Variants in RNF149 observed in about 807,000 individuals in gnomAD.
RNF149 encodes E3 ubiquitin-protein ligase RNF149.
In RNF149, 21 loss-of-function variants were observed where a neutral mutation model predicts 39.0. That is an observed-to-expected ratio of 0.54 (90% confidence interval 0.38 to 0.77). RNF149 has a LOEUF of 0.77. Among genes scored for constraint, RNF149 ranks in the 30% least tolerant of loss-of-function variants. The pLI is 0.00. For missense variants in RNF149, 493 were observed against 534.9 expected (o/e 0.92, Z 0.77); for synonymous variants, 209 against 213.6 (o/e 0.98, Z 0.19).
chr2:101,299,282 T>C (rs1192762878), intron 1 of RNF149, among the ~76,000 whole-genome samples: 1 of 152,218 alleles, frequency 6.6e-6, no homozygotes, highest in Non-Finnish European at 1.5e-5. Flanking sequence ...ACTGTGGATC[T>C]CAAGCTTTGG....
At chr2:101,282,593 C>G (rs1682633836) in intron 5 of RNF149, among the ~76,000 whole-genome samples, 1 of 152,142 alleles carries the variant, frequency 6.6e-6, no homozygotes, top group African/African-American at 2.4e-5. Context: ...GAAAGGAAGA[C>G]AGTGAAAGTG....
At position 101,302,888 on chromosome 2, in the gene RNF149, G is replaced by A. The variant is rs1573263537; in HGVS notation, c.460+5241C>T. The stretch of plus-strand genomic sequence containing the variant: ...CCAGCTACGCAGAAGGCTAAGGTTG[G>A]AGGATTGCTTGATCCCTAAAGGGCA... On this transcript the variant is annotated intron_variant, in intron 1 of 6. Coordinates refer to ENST00000295317, the MANE Select transcript of RNF149 (RefSeq NM_173647.4). Among the ~76,000 whole-genome samples, 3 of 152,064 alleles carry A rather than the reference G, an allele frequency of 2.0e-5. No individual in the cohort carries two copies. In the East Asian group the frequency reaches 5.8e-4, roughly 29 times the overall value.
rs534543792 is a variant in RNF149 at position 101,291,231 on chromosome 2, A to T, written c.781-2176T>A. ...AGTGGCGCGATCTTGGCTCACTGCAACCTCCACCTCCTGGGTTCAAGTGAA... is the reference window on the plus strand; with the variant it reads ...AGTGGCGCGATCTTGGCTCACTGCATCCTCCACCTCCTGGGTTCAAGTGAA... On this transcript the variant is annotated intron_variant, in intron 3 of 6. Coordinates refer to ENST00000295317, the MANE Select transcript of RNF149 (RefSeq NM_173647.4). 5.3e-5 allele frequency among the ~76,000 whole-genome samples: 8 copies of T among 151,992 alleles called. No individual in the cohort carries two copies. The South Asian group carries it at 1.7e-3, about 32-fold the overall frequency.
intron 4 of RNF149, among the ~76,000 whole-genome samples, chr2:101,288,501 G>A (rs1017123512): frequency 1.3e-5 from 2 of 152,096 alleles, no homozygotes; most frequent in Admixed American, 1.3e-4. Flanking sequence ...TTACAGGTGT[G>A]AGCCACAGTG....
At chr2:101,288,446 C>A (rs540648350) in intron 4 of RNF149, among the ~76,000 whole-genome samples, 90 of 152,054 alleles carry the variant, frequency 5.9e-4, no homozygotes, top group Admixed American at 2.1e-3. Flanking sequence ...CCATGTTGAC[C>A]AGGCTAGTCT....
downstream of RNF149, among the ~76,000 whole-genome samples, chr2:101,274,113 A>T (rs1682244195): frequency 6.6e-6 from 1 of 150,608 alleles, no homozygotes; most frequent in Admixed American, 6.6e-5. Flanking sequence ...AGCAATGGTG[A>T]TCTTCTTGCT....
At chr2:101,287,361 T>C (rs1304438602) in intron 4 of RNF149, among the ~76,000 whole-genome samples, 5 of 152,180 alleles carry the variant, frequency 3.3e-5, no homozygotes, top group Non-Finnish European at 7.3e-5. Flanking sequence ...AAATAATTTT[T>C]ACAAAAACAT....
At chr2:101,288,761 C>G (rs538082487) in intron 4 of RNF149, 1 of 452,082 alleles carries the variant, frequency 2.2e-6, no homozygotes, top group Admixed American at 4.2e-5. Flanking sequence ...AGATACTTAA[C>G]GAGTCTTAGT....
At chr2:101,273,824 C>A (rs775260513), downstream of RNF149, among the ~76,000 whole-genome samples, 10 of 152,124 alleles carry the variant, frequency 6.6e-5, no homozygotes, top group African/African-American at 2.4e-4. Flanking sequence ...TCACTGAAAA[C>A]TTTTTCCTTT....
intron 1 of RNF149, among the ~76,000 whole-genome samples, chr2:101,306,481 C>T (rs1272188096): frequency 2.6e-5 from 4 of 152,190 alleles, no homozygotes; most frequent in African/African-American, 9.7e-5. Flanking sequence ...TAGTGCCTAG[C>T]CCAGTGCCAC....
chr2:101,273,121 T>G (rs1452415943), downstream of RNF149: 73 of 1,362,470 alleles, frequency 5.4e-5, no homozygotes, highest in Middle Eastern at 6.9e-4. Context: ...GCGGGGAAAT[T>G]ATTACCTGCC....
chr2:101,300,659 A>G (rs991306275), intron 1 of RNF149, among the ~76,000 whole-genome samples: 1 of 151,950 alleles, frequency 6.6e-6, no homozygotes, highest in Non-Finnish European at 1.5e-5. Flanking sequence ...ATTAAAGCAA[A>G]CCAAAAAAAC....
At chr2:101,288,540 C>T (rs1682882840) in intron 4 of RNF149, among the ~76,000 whole-genome samples, 1 of 152,068 alleles carries the variant, frequency 6.6e-6, no homozygotes, top group Non-Finnish European at 1.5e-5. Flanking sequence ...TTTTAAACAA[C>T]CTCAGAAGGA....
At chr2:101,290,871 C>A (rs927363725) in intron 3 of RNF149, among the ~76,000 whole-genome samples, 1 of 152,148 alleles carries the variant, frequency 6.6e-6, no homozygotes, top group Non-Finnish European at 1.5e-5. Flanking sequence ...CTCTGGCTAA[C>A]CCCTGGATCT....
Position 101,286,056 on chromosome 2 carries a change from G to C in RNF149, c.960+25C>G, listed in dbSNP as rs748203986. 11 of 1,360,632 alleles carry C rather than the reference G, an allele frequency of 8.1e-6. No homozygotes were observed. In the African/African-American group the frequency reaches 1.6e-4, roughly 20 times the overall value. The allele number at this position is 1,360,632 out of a possible 1,614,324, so 84.3% of individuals were successfully genotyped here. A position where few individuals can be genotyped will look rare whatever the true frequency, so the allele number is the denominator to read the frequency against. On this transcript the variant is annotated intron_variant, in intron 5 of 6. Coordinates refer to ENST00000295317, the MANE Select transcript of RNF149 (RefSeq NM_173647.4). ...CTCAGGAAGAACTGGGGCAGAGATT[G>C]AATATAAACAAAAATGTAACAAACC...
intron 3 of RNF149, among the ~76,000 whole-genome samples, chr2:101,289,523 G>A (rs1481871634): frequency 6.6e-6 from 1 of 151,994 alleles, no homozygotes; most frequent in Non-Finnish European, 1.5e-5. Context: ...TGGCCAACAT[G>A]GTGAAACCTC....
chr2:101,294,136 T>C, intron 2 of RNF149, 54 bp from the exon 3 acceptor site: 1 of 1,021,400 alleles, frequency 9.8e-7, no homozygotes, highest in Non-Finnish European at 1.5e-6. Context: ...TAAATCACTA[T>C]TTTTCTTAAA....
intron 5 of RNF149, among the ~76,000 whole-genome samples, chr2:101,282,302 T>G (rs562123852): frequency 2.0e-5 from 3 of 152,134 alleles, no homozygotes; most frequent in African/African-American, 7.2e-5. Context: ...ATACAAGCAA[T>G]GCCACCTTTT....
downstream of RNF149, among the ~76,000 whole-genome samples, chr2:101,274,682 G>A (rs555832782): frequency 7.9e-5 from 12 of 152,370 alleles, no homozygotes; most frequent in Admixed American, 3.3e-4. Context: ...GGGGGCCCTG[G>A]GCGGCAGCAG....
Sources: allele counts gnomAD v4.1 joint callset (sites outside exome capture counted in the v4.1 genomes callset), GRCh38; gene constraint gnomAD v4.1.1; transcripts MANE v1.5; gene names NCBI Gene and HGNC (gene_info 2026-07-23, HGNC 2026-07-21).